CELF2: variants seen among roughly 807,000 people sequenced by gnomAD.
CELF2 encodes CUGBP Elav-like family member 2, also known as CUG triplet repeat RNA-binding protein 2.
A neutral mutation model predicts 62.6 loss-of-function variants in CELF2; 8 were observed. The observed-to-expected ratio is 0.13, with a 90% CI of 0.07 to 0.23. The LOEUF (loss-of-function observed/expected upper bound fraction) is 0.23. CELF2 is among the 10% of genes least tolerant of loss of function. CELF2 has a pLI of 1.00. For missense variants in CELF2, 333 were observed against 671.0 expected (o/e 0.50, Z 5.56); for synonymous variants, 258 against 250.0 (o/e 1.03, Z -0.30).
chr10:11,137,229 A>G (rs948994963), intron 1 of CELF2, among the ~76,000 whole-genome samples: 1 of 152,224 alleles, frequency 6.6e-6, no homozygotes, highest in Non-Finnish European at 1.5e-5. Context: ...TTGGCTTTCT[A>G]AAGTAGACCA....
chr10:10,711,846 C>A, the CELF2 span, among the ~76,000 whole-genome samples: 1 of 152,136 alleles, frequency 6.6e-6, no homozygotes, highest in Admixed American at 6.5e-5. Context: ...CGTGCCACTT[C>A]ACTCTAGCCT....
the CELF2 span, among the ~76,000 whole-genome samples, chr10:10,563,962 G>A: frequency 6.6e-6 from 1 of 152,230 alleles, no homozygotes. Flanking sequence ...CAACACGCAA[G>A]AGTGTGGCTC....
At chr10:11,020,166 C>T (rs2058074260) in intron 1 of CELF2, among the ~76,000 whole-genome samples, 1 of 152,212 alleles carries the variant, frequency 6.6e-6, no homozygotes, top group African/African-American at 2.4e-5. Context: ...AAAATCCTAA[C>T]GTGACTTCCA....
chr10:10,646,130 T>A, the CELF2 span, among the ~76,000 whole-genome samples: 6 of 152,162 alleles, frequency 3.9e-5, 1 homozygote, highest in Admixed American at 3.9e-4. Context: ...GTTGGTCTGT[T>A]TTTTCCCTAT....
At chr10:10,491,454 C>T in the CELF2 span, among the ~76,000 whole-genome samples, 42 of 152,246 alleles carry the variant, frequency 2.8e-4, no homozygotes, top group African/African-American at 9.6e-4. Context: ...AGATAATCTT[C>T]ATTCTAATTG....
the CELF2 span, among the ~76,000 whole-genome samples, chr10:10,551,621 T>C: frequency 3.3e-5 from 5 of 152,146 alleles, no homozygotes; most frequent in African/African-American, 9.7e-5. Context: ...GGGAGCTCTA[T>C]TGATTTTAAT....
At chr10:10,708,471 A>G in the CELF2 span, among the ~76,000 whole-genome samples, 1 of 152,200 alleles carries the variant, frequency 6.6e-6, no homozygotes, top group African/African-American at 2.4e-5. Context: ...AAAGCAAAAA[A>G]CCAGCTTGGC....
intron 2 of CELF2, among the ~76,000 whole-genome samples, chr10:10,979,822 G>C (rs2051850799): frequency 6.6e-6 from 1 of 152,184 alleles, no homozygotes; most frequent in Admixed American, 6.5e-5. Context: ...AGATGGCAGG[G>C]AATGAAATGC....
At chr10:11,163,336 A>G (rs1351008364) in intron 1 of CELF2, among the ~76,000 whole-genome samples, 2 of 152,186 alleles carry the variant, frequency 1.3e-5, no homozygotes, top group African/African-American at 4.8e-5. Context: ...CTGGTTGTCA[A>G]CAGCAGTAAC....
chr10:10,980,284 A>G (rs2051915016), intron 2 of CELF2, among the ~76,000 whole-genome samples: 1 of 152,154 alleles, frequency 6.6e-6, no homozygotes, highest in African/African-American at 2.4e-5. Context: ...CCCAGATCTT[A>G]GAGTTTTATC....
At chr10:10,797,821 C>G (rs1320688208), upstream of CELF2, among the ~76,000 whole-genome samples, 1 of 152,168 alleles carries the variant, frequency 6.6e-6, no homozygotes, top group African/African-American at 2.4e-5. Context: ...GAAATCAGTA[C>G]AGTCCCGAAG....
rs558494682 is a variant in CELF2, at chr10:11,296,426, T to G, written c.976+7874T>G. Among the ~76,000 whole-genome samples the G allele has an allele frequency of 1.3e-5, 2 of 152,266 alleles. No homozygotes were observed. Among genetic ancestry groups the G allele is most frequent in the East Asian group, 1.9e-4 (1 of 5,186 alleles). ...TTTATTCTCACTAAATCACAGAAATTTTTATTTCTGTGATCTTGTATGATA... is the reference window on the plus strand; with the variant it reads ...TTTATTCTCACTAAATCACAGAAATGTTTATTTCTGTGATCTTGTATGATA... On this transcript the variant is annotated intron_variant, in intron 9 of 12. Transcript: ENST00000633077. This position sits in a 1 kb window ranked among gnomAD's most constrained non-coding sequence, Gnocchi z 5.0.
In CELF2 at chr10:10,858,694, ATTGTTGAATGAATGAAAGTATG is replaced by A. The variant is rs1365651289; in HGVS notation, c.53+59899_53+59920del. On this transcript the variant is annotated intron_variant, in intron 1 of 13. Coordinates refer to the CELF2 transcript ENST00000636488. ...GCCAGCACATAGTACTTGATAATAA[ATTGTTGAATGAATGAAAGTATG>A]TTGTTGAATGAATGAAAGTATCCAG... Among the ~76,000 whole-genome samples the A allele has an allele frequency of 3.9e-5, 6 of 152,200 alleles. No homozygotes were observed. The South Asian group carries it at 1.2e-3, about 31-fold the overall frequency.
chr10:10,879,448 T>G (rs565414112), intron 1 of CELF2, among the ~76,000 whole-genome samples: 50 of 152,314 alleles, frequency 3.3e-4, no homozygotes, highest in African/African-American at 1.1e-3. Context: ...CAGAGTTGAG[T>G]TGTTGCAAAG....
At chr10:11,210,916 A>AGAG (rs1269635318) in intron 2 of CELF2, among the ~76,000 whole-genome samples, 1 of 152,152 alleles carries the variant, frequency 6.6e-6, no homozygotes, top group Non-Finnish European at 1.5e-5. Context: ...ATATGTACAA[A>AGAG]GATTATGTGT....
chr10:10,682,170 G>A, the CELF2 span, among the ~76,000 whole-genome samples: 10 of 152,222 alleles, frequency 6.6e-5, no homozygotes, highest in South Asian at 4.2e-4. Context: ...TCTTATTTGC[G>A]TAGATGTAGT....
the CELF2 span, among the ~76,000 whole-genome samples, chr10:10,491,553 C>T: frequency 6.6e-6 from 1 of 152,132 alleles, no homozygotes; most frequent in African/African-American, 2.4e-5. Context: ...TTTCTCAGCT[C>T]AACTGCATGA....
the CELF2 span, among the ~76,000 whole-genome samples, chr10:10,616,075 A>C: frequency 6.6e-6 from 1 of 152,096 alleles, no homozygotes; most frequent in Non-Finnish European, 1.5e-5. Flanking sequence ...GAAACATAAG[A>C]TAAGGTGATT....
At chr10:10,565,020 C>G in the CELF2 span, among the ~76,000 whole-genome samples, 4 of 152,310 alleles carry the variant, frequency 2.6e-5, no homozygotes, top group Non-Finnish European at 5.9e-5. Context: ...AGAAAAGTTT[C>G]CAGGATTGTA....
Sources: gnomAD v4.1 joint callset for allele counts (sites outside exome capture counted in the v4.1 genomes callset) on GRCh38, gnomAD v4.1.1 for gene constraint, Gnocchi (gnomAD v3.1) non-coding constraint, MANE v1.5 for transcripts, NCBI Gene and HGNC (gene_info 2026-07-23, HGNC 2026-07-21) for gene names.